Variants in EVL observed in about 807,000 individuals in gnomAD.
EVL encodes the protein Enah/Vasp-like, also known as ena/VASP-like protein.
EVL carries 21 observed loss-of-function variants against 59.6 expected under a neutral mutation model. The ratio of observed to expected loss-of-function variants is 0.35; its 90% CI spans 0.25 to 0.51. EVL has a LOEUF of 0.51. EVL is among the 20% of genes least tolerant of loss of function. The probability of loss-of-function intolerance (pLI) is 0.97; values close to 1 mark genes in which losing one functional copy is unlikely to be tolerated. For synonymous variants in EVL, 198 were observed against 203.5 expected, an observed-to-expected ratio of 0.97 and a Z score of 0.23; for missense variants, 462 against 546.6, an observed-to-expected ratio of 0.85 and a Z score of 1.54.
At chr14:100,043,602 T>C (rs1052067747) in intron 1 of EVL, among the ~76,000 whole-genome samples, 4 of 139,192 alleles carry the variant, frequency 2.9e-5, no homozygotes, top group African/African-American at 1.2e-4. Flanking sequence ...ACCTTTCCTC[T>C]GCCTTTTTTT....
At chr14:99,998,415 T>C (rs2060926920) in intron 1 of EVL, among the ~76,000 whole-genome samples, 1 of 152,206 alleles carries the variant, frequency 6.6e-6, no homozygotes, top group Non-Finnish European at 1.5e-5. Flanking sequence ...TAATTTGAGA[T>C]ATTGTCTTAT....
chr14:100,135,992 C>G, intron 9 of EVL, 24 bp downstream of exon 9: 1 of 1,612,804 alleles, frequency 6.2e-7, no homozygotes. Context: ...CCCCGCTGAC[C>G]CCAGTGAGGC....
chr14:100,063,668 A>G (rs1022427516), upstream of EVL, among the ~76,000 whole-genome samples: 4 of 152,228 alleles, frequency 2.6e-5, no homozygotes, highest in African/African-American at 9.6e-5. Flanking sequence ...ACAAAAAGTA[A>G]CAAGGACGTA....
At chr14:100,046,536 G>A (rs781725948) in intron 1 of EVL, among the ~76,000 whole-genome samples, 3 of 151,866 alleles carry the variant, frequency 2.0e-5, no homozygotes, top group African/African-American at 7.2e-5. Flanking sequence ...ACGTGTTGGC[G>A]CTTGCCTGTA....
chr14:100,067,374 C>G (rs2061953461), intron 1 of EVL, among the ~76,000 whole-genome samples: 1 of 152,188 alleles, frequency 6.6e-6, no homozygotes, highest in African/African-American at 2.4e-5. Context: ...GTTTCCAAGC[C>G]CTGACTGGAT....
At chr14:100,013,948 G>A (rs1204362042) in intron 1 of EVL, among the ~76,000 whole-genome samples, 1 of 152,174 alleles carries the variant, frequency 6.6e-6, no homozygotes, top group African/African-American at 2.4e-5. Context: ...TTTTGATATA[G>A]GCAGATATGT....
In EVL at chr14:100,129,700, T is replaced by TC; in HGVS notation, c.839+19dup. 1 of 1,541,058 alleles carries TC rather than the reference T, an allele frequency of 6.5e-7. No homozygotes were observed. Among genetic ancestry groups the TC allele is most frequent in the Non-Finnish European group, 8.8e-7 (1 of 1,140,102 alleles). ...TGGCCAAGAGGTGGGTCTCTACACCTCCCGAGACTTGGTGTGCCTAGCAGG... is the reference window on the plus strand; with the variant it reads ...TGGCCAAGAGGTGGGTCTCTACACCTCCCCGAGACTTGGTGTGCCTAGCAGG... On this transcript the variant is annotated intron_variant, in intron 7 of 13. Transcript: ENST00000392920.
intron 1 of EVL, among the ~76,000 whole-genome samples, chr14:100,018,686 C>CCTA (rs1303165102): frequency 6.6e-6 from 1 of 152,180 alleles, no homozygotes; most frequent in Non-Finnish European, 1.5e-5. Flanking sequence ...TGACTGATGA[C>CCTA]ACTGGGGTCA....
chr14:100,118,798 A>T (rs1345854706), intron 3 of EVL, among the ~76,000 whole-genome samples: 1 of 152,094 alleles, frequency 6.6e-6, no homozygotes, highest in Non-Finnish European at 1.5e-5. Context: ...TCCCCAGCTC[A>T]TGGCTCCTAA....
chr14:100,040,621 T>G (rs376750589), intron 1 of EVL, among the ~76,000 whole-genome samples: 65 of 152,290 alleles, frequency 4.3e-4, no homozygotes, highest in African/African-American at 1.5e-3. Context: ...AAAGGGTTTA[T>G]ATATTGAATA....
At chr14:100,118,563 A>G (rs1336121640) in intron 3 of EVL, among the ~76,000 whole-genome samples, 1 of 152,172 alleles carries the variant, frequency 6.6e-6, no homozygotes, top group Non-Finnish European at 1.5e-5. Flanking sequence ...TCCCAGGTAG[A>G]GATGCTGCCA....
intron 3 of EVL, among the ~76,000 whole-genome samples, chr14:100,122,298 A>T (rs1466444974): frequency 6.6e-6 from 1 of 152,242 alleles, no homozygotes; most frequent in Non-Finnish European, 1.5e-5. Context: ...GTTGGTTTGC[A>T]TCTGCCACTT....
chr14:100,139,435 G>GAGGGCC (rs1889021105), intron 11 of EVL: 2 of 152,418 alleles, frequency 1.3e-5, no homozygotes, highest in African/African-American at 2.4e-5. Context: ...CTGAGATGGA[G>GAGGGCC]AGGGCCAGGG....
chr14:100,104,942 A>C (rs1595185257), intron 3 of EVL, among the ~76,000 whole-genome samples: 1 of 113,240 alleles, frequency 8.8e-6, no homozygotes, highest in South Asian at 2.7e-4. Context: ...TTTTGGAGCT[A>C]CTCCTGTAGC....
chr14:100,076,756 C>T (rs1001195768), intron 1 of EVL, among the ~76,000 whole-genome samples: 1 of 152,072 alleles, frequency 6.6e-6, no homozygotes, highest in African/African-American at 2.4e-5. Flanking sequence ...GTGTTAGGGG[C>T]CTGTGTGCAT....
intron 1 of EVL, among the ~76,000 whole-genome samples, chr14:100,050,968 G>A (rs1255931249): frequency 2.7e-5 from 4 of 148,366 alleles, no homozygotes; most frequent in Non-Finnish European, 4.5e-5. Flanking sequence ...GGCTGGTCTC[G>A]AACTCCTGCC....
chr14:100,049,179 A>G (rs570569033), intron 1 of EVL, among the ~76,000 whole-genome samples: 1 of 152,382 alleles, frequency 6.6e-6, no homozygotes, highest in African/African-American at 2.4e-5. Context: ...GTAATTAACC[A>G]AATCTAGCTA....
chr14:99,985,898 G>T (rs1223558528), intron 1 of EVL, among the ~76,000 whole-genome samples: 10 of 152,102 alleles, frequency 6.6e-5, no homozygotes, highest in South Asian at 4.1e-4. Flanking sequence ...TCTAACTTCG[G>T]CTTGAATACA....
intron 1 of EVL, among the ~76,000 whole-genome samples, chr14:100,034,416 CT>C (rs2061358565): frequency 6.6e-6 from 1 of 151,950 alleles, no homozygotes; most frequent in Non-Finnish European, 1.5e-5. Context: ...CTAGAAAACA[CT>C]GCTTGCCATA....
Sources: gnomAD v4.1 joint callset for allele counts (sites outside exome capture counted in the v4.1 genomes callset) on GRCh38, gnomAD v4.1.1 for gene constraint, MANE v1.5 for transcripts, NCBI Gene and HGNC (gene_info 2026-07-23, HGNC 2026-07-21) for gene names.